The following LYRM4 variants were observed in gnomAD, a reference collection of about 807,000 sequenced individuals.
The protein encoded by LYRM4 is LYR motif-containing protein 4.
Under a neutral mutation model 11.7 loss-of-function variants are expected in LYRM4, and 9 were observed. The observed-to-expected ratio is 0.77, with a 90% CI of 0.46 to 1.34. The LOEUF is 1.34. LYRM4 is among the 40% of genes most tolerant of loss of function. The probability of loss-of-function intolerance (pLI) is 0.00; values close to 1 mark genes in which losing one functional copy is unlikely to be tolerated. For missense variants in LYRM4, 133 were observed against 112.5 expected (o/e 1.18, Z -0.82); for synonymous variants, 42 against 40.4 (o/e 1.04, Z -0.15).
At chr6:5,208,443 T>C (rs1474729255) in intron 2 of LYRM4, among the ~76,000 whole-genome samples, 2 of 152,234 alleles carry the variant, frequency 1.3e-5, no homozygotes, top group Admixed American at 1.3e-4. Flanking sequence ...ATGGATATCA[T>C]AATAAAAATT....
the LYRM4 span, among the ~76,000 whole-genome samples, chr6:5,077,227 C>A: frequency 2.6e-5 from 4 of 152,246 alleles, no homozygotes; most frequent in Non-Finnish European, 5.9e-5. Context: ...ATAAGGATTA[C>A]GGAAGACATG....
At chr6:5,093,478 G>A in the LYRM4 span, among the ~76,000 whole-genome samples, 14 of 152,388 alleles carry the variant, frequency 9.2e-5, no homozygotes, top group Admixed American at 4.6e-4. Flanking sequence ...AGAAGTGCCC[G>A]GATGGCTGCT....
At chr6:5,165,798 C>G (rs1759053500) in intron 2 of LYRM4, among the ~76,000 whole-genome samples, 1 of 152,144 alleles carries the variant, frequency 6.6e-6, no homozygotes, top group East Asian at 1.9e-4. Flanking sequence ...CTGCCTCGGC[C>G]TCCCAAAGTG....
chr6:5,083,192 CCCCCGTGAGGGTT>C, the LYRM4 span, among the ~76,000 whole-genome samples: 1 of 152,196 alleles, frequency 6.6e-6, no homozygotes, highest in Non-Finnish European at 1.5e-5. Flanking sequence ...TGAGCATGTG[CCCCCGTGAGGGTT>C]GTAGCCCAAA....
intron 2 of LYRM4, among the ~76,000 whole-genome samples, chr6:5,181,933 C>T (rs1760098760): frequency 6.6e-6 from 1 of 152,184 alleles, no homozygotes; most frequent in Admixed American, 6.5e-5. Context: ...CAGTCTGTCT[C>T]TAAGAGAACT....
At chr6:5,244,588 A>T (rs1764055954) in intron 1 of LYRM4, among the ~76,000 whole-genome samples, 1 of 152,130 alleles carries the variant, frequency 6.6e-6, no homozygotes, top group South Asian at 2.1e-4. Context: ...ACACAGGAAG[A>T]AACAGATCCA....
chr6:5,166,399 G>C (rs1262633591), intron 2 of LYRM4, among the ~76,000 whole-genome samples: 1 of 152,196 alleles, frequency 6.6e-6, no homozygotes, highest in Non-Finnish European at 1.5e-5. Context: ...TGATACTCCA[G>C]CCCACTGTTT....
the LYRM4 span, chr6:5,086,326 T>C: frequency 6.5e-7 from 1 of 1,535,648 alleles, no homozygotes; most frequent in Non-Finnish European, 8.7e-7. Context: ...AGAGGCACCG[T>C]CTGGGGCCTC....
intron 1 of LYRM4, among the ~76,000 whole-genome samples, chr6:5,241,342 A>G (rs1049599290): frequency 6.6e-6 from 1 of 152,232 alleles, no homozygotes; most frequent in African/African-American, 2.4e-5. Context: ...TTCACTCTGA[A>G]GCTACCTTTT....
At chr6:5,105,755 A>T (rs1762644729), downstream of LYRM4, 1 of 152,742 alleles carries the variant, frequency 6.5e-6, no homozygotes, top group Non-Finnish European at 1.5e-5. Flanking sequence ...CAGAGGTTGT[A>T]GTGAGCTGAG....
chr6:5,167,742 T>C (rs1759172198), intron 2 of LYRM4, among the ~76,000 whole-genome samples: 1 of 152,230 alleles, frequency 6.6e-6, no homozygotes, highest in African/African-American at 2.4e-5. Context: ...TTATTTGGGT[T>C]ATTAGTAGCT....
the LYRM4 span, among the ~76,000 whole-genome samples, chr6:5,073,923 C>T: frequency 1.3e-5 from 2 of 152,148 alleles, no homozygotes; most frequent in Admixed American, 6.5e-5. Context: ...TGGCCTTATA[C>T]CTTCCTGTCA....
rs991862957 is a variant in LYRM4, at chr6:5,240,835, G to C, written c.86+19813C>G. Reference sequence around the variant, plus strand: ...CAGAAAAAGCTTCACTGAAACACCAGCAGCGCCTCAATGGCGGGGGCCCAC... The same window carrying C: ...CAGAAAAAGCTTCACTGAAACACCACCAGCGCCTCAATGGCGGGGGCCCAC... On this transcript the variant is annotated intron_variant, in intron 1 of 2. Coordinates refer to ENST00000330636, the MANE Select transcript of LYRM4 (RefSeq NM_020408.6). 2.0e-5 allele frequency: 3 copies of C among 152,366 alleles called. No individual in the cohort carries two copies. The East Asian group carries it at 5.8e-4, about 29-fold the overall frequency. 9.4% of individuals were successfully genotyped at this position (152,366 alleles called of 1,614,324 possible). A position where few individuals can be genotyped will look rare whatever the true frequency, so the allele number is the denominator to read the frequency against.
chr6:5,057,676 C>T, the LYRM4 span, among the ~76,000 whole-genome samples: 1 of 149,796 alleles, frequency 6.7e-6, no homozygotes, highest in East Asian at 2.0e-4. Flanking sequence ...GATCGCACCA[C>T]AGCACTCTAG....
intron 1 of LYRM4, among the ~76,000 whole-genome samples, chr6:5,255,636 C>T (rs1275836405): frequency 6.6e-6 from 1 of 152,128 alleles, no homozygotes; most frequent in Non-Finnish European, 1.5e-5. Context: ...CTTCTTGGCT[C>T]TTCTTCAGCC....
chr6:5,171,743 CA>C (rs34350347), intron 2 of LYRM4, among the ~76,000 whole-genome samples: 1 of 152,296 alleles, frequency 6.6e-6, no homozygotes, highest in African/African-American at 2.4e-5. Context: ...CAAAAGTATA[CA>C]AAATGCAGGG....
chr6:5,193,321 G>T (rs1581476421), intron 2 of LYRM4, among the ~76,000 whole-genome samples: 1 of 151,294 alleles, frequency 6.6e-6, no homozygotes, highest in South Asian at 2.1e-4. Flanking sequence ...AAAAAAAAAC[G>T]CCTTAGCTTT....
In LYRM4 at chr6:5,248,886, G is replaced by T. The variant is rs141597408; in HGVS notation, c.86+11762C>A. Among the ~76,000 whole-genome samples the T allele has an allele frequency of 3.3e-3, 503 of 152,332 alleles. 14 individuals are homozygous for T. Among genetic ancestry groups the T allele is most frequent in the Admixed American group, 0.023 (356 of 15,296 alleles). On this transcript the variant is annotated intron_variant, in intron 1 of 2. Transcript: ENST00000330636. ...CTCAGCAAGGAACAATGAGTCTGGC[G>T]CAAGGCAGGTACCCAATAAATGTTT... is the stretch of plus-strand genomic sequence containing the variant.
At chr6:5,103,530 GGTCC>G (rs922131425), downstream of LYRM4, 7 of 152,180 alleles carry the variant, frequency 4.6e-5, no homozygotes, top group African/African-American at 1.7e-4. Context: ...ACTGTGGGCA[GGTCC>G]TTGGGGACAG....
Sources: allele counts gnomAD v4.1 joint callset (sites outside exome capture counted in the v4.1 genomes callset), GRCh38; gene constraint gnomAD v4.1.1; transcripts MANE v1.5; gene names NCBI Gene and HGNC (gene_info 2026-07-23, HGNC 2026-07-21).